Variants in EBF1 observed in about 807,000 individuals in gnomAD.
EBF1 encodes EBF transcription factor 1, also known as transcription factor COE1.
A neutral mutation model predicts 68.4 loss-of-function variants in EBF1; 10 were observed. That is an observed-to-expected ratio of 0.15 (90% CI 0.09 to 0.25). The LOEUF is 0.25. Among genes scored for constraint, EBF1 ranks in the 10% least tolerant of loss-of-function variants. The pLI is 1.00. For missense variants in EBF1, 509 were observed against 794.4 expected, an observed-to-expected ratio of 0.64 and a Z score of 4.32; for synonymous variants, 298 against 299.8, an observed-to-expected ratio of 0.99 and a Z score of 0.06.
chr5:158,699,760 C>A (rs189169376), intron 15 of EBF1, among the ~76,000 whole-genome samples: 54 of 152,286 alleles, frequency 3.5e-4, no homozygotes, highest in Non-Finnish European at 6.8e-4. Context: ...CATGAAACTG[C>A]AGAATGTCTT....
chr5:159,050,173 TC>T (rs200077192), intron 6 of EBF1, among the ~76,000 whole-genome samples: 5 of 148,670 alleles, frequency 3.4e-5, no homozygotes, highest in Admixed American at 1.3e-4. Flanking sequence ...TCTCTCTCTC[TC>T]TCTCTCTTCT....
intron 4 of EBF1, among the ~76,000 whole-genome samples, chr5:159,089,407 T>C (rs1781238205): frequency 1.3e-5 from 2 of 152,282 alleles, no homozygotes; most frequent in South Asian, 2.1e-4. Context: ...TTGAAAGACA[T>C]ACTGTGAAGC....
chr5:158,883,300 A>T (rs990466507), intron 6 of EBF1, among the ~76,000 whole-genome samples: 1 of 152,002 alleles, frequency 6.6e-6, no homozygotes, highest in Non-Finnish European at 1.5e-5. Flanking sequence ...ACAGGAACAT[A>T]TATATACATA....
At chr5:158,967,793 A>G (rs927860282) in intron 6 of EBF1, among the ~76,000 whole-genome samples, 1 of 152,236 alleles carries the variant, frequency 6.6e-6, no homozygotes, top group African/African-American at 2.4e-5. Context: ...CACCACTGTG[A>G]GTAAACATGA....
At chr5:158,888,174 C>T (rs1298981770) in intron 6 of EBF1, among the ~76,000 whole-genome samples, 1 of 152,118 alleles carries the variant, frequency 6.6e-6, no homozygotes, top group African/African-American at 2.4e-5. Context: ...TGACAGTTAC[C>T]ACCACTAAGT....
At chr5:158,878,191 T>C (rs1437011854) in intron 6 of EBF1, among the ~76,000 whole-genome samples, 1 of 152,068 alleles carries the variant, frequency 6.6e-6, no homozygotes, top group African/African-American at 2.4e-5. Flanking sequence ...GCAATGAGAA[T>C]ATTGACCTGC....
At chr5:158,839,090 C>T (rs755767451) in intron 7 of EBF1, among the ~76,000 whole-genome samples, 21 of 152,188 alleles carry the variant, frequency 1.4e-4, no homozygotes, top group African/African-American at 4.6e-4. Context: ...ACTCAACAAC[C>T]TTTTCTAAAA....
chr5:158,902,776 G>A (rs569525487), intron 6 of EBF1, among the ~76,000 whole-genome samples: 44 of 152,186 alleles, frequency 2.9e-4, no homozygotes, highest in African/African-American at 9.6e-4. Flanking sequence ...CTCGTATGGG[G>A]ACAACAGATT....
chr5:159,004,802 G>A (rs1440344451), intron 6 of EBF1, among the ~76,000 whole-genome samples: 3 of 152,146 alleles, frequency 2.0e-5, no homozygotes, highest in Non-Finnish European at 2.9e-5. Context: ...GTCTTGATAA[G>A]CTTGAGGTGG....
intron 6 of EBF1, among the ~76,000 whole-genome samples, chr5:158,942,124 C>A (rs1813555769): frequency 6.6e-6 from 1 of 152,140 alleles, no homozygotes. Flanking sequence ...TAGGGGATTT[C>A]TCTGACAAAC....
chr5:159,014,679 A>G (rs935377650), intron 6 of EBF1, among the ~76,000 whole-genome samples: 1 of 152,226 alleles, frequency 6.6e-6, no homozygotes, highest in Non-Finnish European at 1.5e-5. Flanking sequence ...TGCCCATAAT[A>G]AAAACTGTAT....
intron 6 of EBF1, among the ~76,000 whole-genome samples, chr5:159,047,752 T>C (rs1051078103): frequency 3.3e-5 from 5 of 152,170 alleles, no homozygotes; most frequent in Admixed American, 6.5e-5. Context: ...TTTGTACCCA[T>C]TGCCACATAC....
intron 6 of EBF1, among the ~76,000 whole-genome samples, chr5:158,880,985 A>G (rs992571283): frequency 1.3e-5 from 2 of 152,142 alleles, no homozygotes; most frequent in African/African-American, 4.8e-5. Context: ...GCAATGTTAC[A>G]TCACTTACAG....
intron 11 of EBF1, among the ~76,000 whole-genome samples, chr5:158,721,807 T>C (rs998157389): frequency 6.6e-6 from 1 of 152,210 alleles, no homozygotes; most frequent in Non-Finnish European, 1.5e-5. Context: ...TTGATTCATT[T>C]TACCAAAATG....
chr5:159,039,612 A>G (rs998984053), intron 6 of EBF1, among the ~76,000 whole-genome samples: 1 of 152,272 alleles, frequency 6.6e-6, no homozygotes, highest in Non-Finnish European at 1.5e-5. Context: ...TAACTTCGCT[A>G]TTAAATAACT....
intron 6 of EBF1, among the ~76,000 whole-genome samples, chr5:158,892,748 T>G (rs918640083): frequency 3.9e-5 from 6 of 152,194 alleles, no homozygotes; most frequent in African/African-American, 1.4e-4. Context: ...TTCTCCATCC[T>G]GAGCAGACCT....
intron 10 of EBF1, among the ~76,000 whole-genome samples, chr5:158,733,652 T>C (rs1004377539): frequency 6.6e-6 from 1 of 152,216 alleles, no homozygotes; most frequent in Non-Finnish European, 1.5e-5. Context: ...ACGTGTACTA[T>C]GAGAGAGGAA....
chr5:158,836,116 G>A (rs538968907), intron 7 of EBF1, among the ~76,000 whole-genome samples: 8 of 152,278 alleles, frequency 5.3e-5, no homozygotes, highest in African/African-American at 1.4e-4. Flanking sequence ...GAGGCAAAAC[G>A]AACAAACAGA....
chr5:158,970,089 AC>A (rs1473371347), intron 6 of EBF1, among the ~76,000 whole-genome samples: 1 of 152,156 alleles, frequency 6.6e-6, no homozygotes, highest in Non-Finnish European at 1.5e-5. Flanking sequence ...TAACACTGAG[AC>A]TTTTTTTGCT....
Sources: gnomAD v4.1 joint callset for allele counts (sites outside exome capture counted in the v4.1 genomes callset) on GRCh38, gnomAD v4.1.1 for gene constraint, MANE v1.5 for transcripts, NCBI Gene and HGNC (gene_info 2026-07-23, HGNC 2026-07-21) for gene names.